OR51B5: variants seen among roughly 807,000 people sequenced by gnomAD.
OR51B5 encodes olfactory receptor family 51 subfamily B member 5.
For missense variants in OR51B5, 456 were observed against 374.6 expected (o/e 1.22, Z -1.79); for synonymous variants, 186 against 144.8 (o/e 1.28, Z -2.04).
In OR51B5 at chr11:5,411,478, T is replaced by A. The variant is rs535722639; in HGVS notation, n.85-64568A>T. Reference sequence around the variant, plus strand: ...CATACCCCTGTTGCTAAGTGACACATGACTGTATTTCTAATAATACATTAA... The same window carrying A: ...CATACCCCTGTTGCTAAGTGACACAAGACTGTATTTCTAATAATACATTAA... On this transcript the variant is annotated intron_variant and non_coding_transcript_variant, in intron 1 of 4. Coordinates refer to the OR51B5 transcript ENST00000415970. 1.0e-4 allele frequency among the ~76,000 whole-genome samples: 5 copies of A among 48,496 alleles called. No homozygotes were observed. The East Asian group carries it at 4.2e-3, about 41-fold the overall frequency. 31.8% of individuals were successfully genotyped at this position (48,496 alleles called of 152,430 possible). A position where few individuals can be genotyped will look rare whatever the true frequency, so the allele number is the denominator to read the frequency against.
Position 5,404,483 on chromosome 11 carries a change from GATCAGCACTCTGTAAAATGGACCA to G in OR51B5, n.85-57597_85-57574del, listed in dbSNP as rs1183311305. On this transcript the variant is annotated intron_variant and non_coding_transcript_variant, in intron 1 of 4. Transcript: ENST00000415970. The stretch of plus-strand genomic sequence containing the variant: ...ATTCAGCACTCTGTAAAATCCCACC[GATCAGCACTCTGTAAAATGGACCA>G]ATCAGCACTCTGTAAAATGGACCAA... Among the ~76,000 whole-genome samples, 295 of 151,980 alleles carry G rather than the reference GATCAGCACTCTGTAAAATGGACCA, an allele frequency of 1.9e-3. 2 individuals carry two copies. The highest frequency in any genetic ancestry group is 3.4e-3 in the Non-Finnish European group (230 of 67,956).
intron 1 of OR51B5, among the ~76,000 whole-genome samples, chr11:5,397,400 A>G (rs1849893496): frequency 6.6e-6 from 1 of 152,224 alleles, no homozygotes; most frequent in African/African-American, 2.4e-5. Flanking sequence ...GGATATGAAC[A>G]GACACTTCTC....
intron 1 of OR51B5, among the ~76,000 whole-genome samples, chr11:5,496,374 T>C (rs1219587083): frequency 2.0e-5 from 3 of 152,264 alleles, no homozygotes; most frequent in African/African-American, 7.2e-5. Flanking sequence ...AAAAATGCGA[T>C]CATTCCAAAC....
intron 1 of OR51B5, among the ~76,000 whole-genome samples, chr11:5,477,758 C>G (rs963492013): frequency 6.6e-6 from 1 of 152,106 alleles, no homozygotes; most frequent in African/African-American, 2.4e-5. Flanking sequence ...GACGGACGCA[C>G]CTGGAAAATC....
chr11:5,463,795 A>G (rs1366247196), intron 1 of OR51B5, among the ~76,000 whole-genome samples: 1 of 152,204 alleles, frequency 6.6e-6, no homozygotes, highest in African/African-American at 2.4e-5. Flanking sequence ...AAACCTGTCT[A>G]AAGAGATACA....
chr11:5,467,486 T>A (rs2133798515), intron 1 of OR51B5, among the ~76,000 whole-genome samples: 1 of 152,354 alleles, frequency 6.6e-6, no homozygotes, highest in African/African-American at 2.4e-5. Context: ...CATTCCCTAA[T>A]CATCCATTGG....
intron 1 of OR51B5, among the ~76,000 whole-genome samples, chr11:5,480,528 A>G (rs1470689940): frequency 2.0e-5 from 3 of 151,034 alleles, no homozygotes; most frequent in African/African-American, 7.3e-5. Context: ...TGAAGGAAAT[A>G]GAGACACAAA....
intron 1 of OR51B5, among the ~76,000 whole-genome samples, chr11:5,448,015 C>G (rs945747981): frequency 1.3e-5 from 2 of 152,172 alleles, no homozygotes; most frequent in African/African-American, 4.8e-5. Context: ...AGCTTTGCAG[C>G]ACTCCTGTTT....
At chr11:5,402,370 TTCTA>T (rs2133741961) in intron 1 of OR51B5, among the ~76,000 whole-genome samples, 1 of 152,332 alleles carries the variant, frequency 6.6e-6, no homozygotes, top group African/African-American at 2.4e-5. Context: ...GAACATAATT[TTCTA>T]TCTGCCTATG....
intron 1 of OR51B5, among the ~76,000 whole-genome samples, chr11:5,426,290 C>T (rs1381429773): frequency 6.6e-6 from 1 of 152,046 alleles, no homozygotes; most frequent in Non-Finnish European, 1.5e-5. Flanking sequence ...TGTTATGGTG[C>T]ACACATAACA....
At chr11:5,453,895 T>C (rs1387044716) in intron 1 of OR51B5, 17 of 1,614,106 alleles carry the variant, frequency 1.1e-5, no homozygotes, top group Non-Finnish European at 1.4e-5. Flanking sequence ...GCAACTGTGC[T>C]CACCACTGAA....
At chr11:5,465,901 A>G (rs1851132804) in intron 1 of OR51B5, among the ~76,000 whole-genome samples, 1 of 151,528 alleles carries the variant, frequency 6.6e-6, no homozygotes, top group Non-Finnish European at 1.5e-5. Context: ...GGCATGGGCA[A>G]GGACTTCATG....
chr11:5,363,920 AG>A (rs1849326439), intron 1 of OR51B5, among the ~76,000 whole-genome samples: 1 of 152,186 alleles, frequency 6.6e-6, no homozygotes, highest in African/African-American at 2.4e-5. Context: ...GTATAAAAAT[AG>A]GCAACTCAGA....
chr11:5,451,825 G>C (rs1278731505), intron 1 of OR51B5, among the ~76,000 whole-genome samples: 1 of 152,168 alleles, frequency 6.6e-6, no homozygotes, highest in Non-Finnish European at 1.5e-5. Flanking sequence ...TCTAAAATGA[G>C]GGTGACCTAT....
At chr11:5,369,418 T>C (rs1487130579) in intron 1 of OR51B5, among the ~76,000 whole-genome samples, 2 of 152,308 alleles carry the variant, frequency 1.3e-5, no homozygotes, top group South Asian at 2.1e-4. Context: ...ACATCTATTA[T>C]ACCTCAGTAA....
At chr11:5,415,599 C>T (rs1275548942) in intron 1 of OR51B5, among the ~76,000 whole-genome samples, 2 of 152,064 alleles carry the variant, frequency 1.3e-5, no homozygotes, top group African/African-American at 4.8e-5. Context: ...GGGATATCAC[C>T]ACCGATCCCA....
intron 1 of OR51B5, among the ~76,000 whole-genome samples, chr11:5,433,449 G>C (rs1400719438): frequency 1.3e-5 from 2 of 152,202 alleles, no homozygotes; most frequent in Non-Finnish European, 2.9e-5. Context: ...TCACTCAACA[G>C]ATTTGATGTA....
chr11:5,347,100 T>C (rs4255565), upstream of OR51B5, among the ~76,000 whole-genome samples: 45,228 of 152,056 alleles, frequency 0.3, 7,441 homozygotes, highest in Non-Finnish European at 0.38. Context: ...AGTTACTGGC[T>C]GAATCAAGCC....
intron 1 of OR51B5, among the ~76,000 whole-genome samples, chr11:5,490,049 T>C (rs1429931954): frequency 6.6e-6 from 1 of 152,200 alleles, no homozygotes; most frequent in Non-Finnish European, 1.5e-5. Flanking sequence ...TCCACCACTT[T>C]GAATATTGAC....
Sources: gnomAD v4.1 joint callset for allele counts (sites outside exome capture counted in the v4.1 genomes callset) on GRCh38, gnomAD v4.1.1 for gene constraint, MANE v1.5 for transcripts, NCBI Gene and HGNC (gene_info 2026-07-23, HGNC 2026-07-21) for gene names.